The following CXXC1 variants were observed in gnomAD, a reference collection of about 807,000 sequenced individuals.
CXXC1 encodes CXXC-type zinc finger protein 1.
Under a neutral mutation model 83.6 loss-of-function variants are expected in CXXC1, and 21 were observed. That is an observed-to-expected ratio of 0.25 (90% CI 0.18 to 0.36). The LOEUF is 0.36. CXXC1 is among the 10% of genes least tolerant of loss of function. CXXC1 has a pLI of 1.00. For missense variants in CXXC1, 688 were observed against 919.5 expected (o/e 0.75, Z 3.26); for synonymous variants, 371 against 337.5 (o/e 1.10, Z -1.09).
intron 1 of CXXC1, 56 bp downstream of exon 1, chr18:50,287,531 C>G: frequency 1.0e-5 from 16 of 1,606,960 alleles, no homozygotes; most frequent in Non-Finnish European, 1.4e-5. Flanking sequence ...ACAGACCCCA[C>G]TGTTGCCAAC....
intron 1 of CXXC1, 109 bp downstream of exon 1, chr18:50,287,476 CCA>C: frequency 2.2e-6 from 3 of 1,340,688 alleles, no homozygotes; most frequent in Non-Finnish European, 3.2e-6. Context: ...GCCGTTCAGT[CCA>C]CAGACTCCGG....
rs1282223240 is a variant in CXXC1 at position 50,282,557 on chromosome 18, T to C, written c.*36A>G. 6.3e-7 allele frequency: 1 copy of C among 1,598,444 alleles called. No homozygotes were observed. The highest frequency in any genetic ancestry group is 1.7e-5 in the Admixed American group (1 of 59,934). ...ACGGGCACCGGGCGGCTCCCCCATC[T>C]GGAATGCAGGGTGTAAGGGGTCCGG... On this transcript the variant is annotated 3_prime_UTR_variant, in exon 15 of 15. Transcript: ENST00000285106. This position sits in a 1 kb window ranked among gnomAD's most constrained non-coding sequence, Gnocchi z 5.8.
At chr18:50,283,199 G>A in intron 13 of CXXC1, 66 bp downstream of exon 13, 1 of 1,380,348 alleles carries the variant, frequency 7.2e-7, no homozygotes, top group South Asian at 1.2e-5. Flanking sequence ...AGGAAGGAAG[G>A]GATGAATGTG....
chr18:50,286,145 A>T lies in CXXC1; in HGVS notation c.336T>A (p.Pro112=), dbSNP rs754834910. The change falls in exon 4 of 15, where the codon CCT becomes CCA. Residue 112 remains proline, a synonymous_variant. Transcript: ENST00000285106. ...PRDEGGGRKR[P]VPDPDLQRRA... ...GGCGCTGCAGGTCTGGATCAGGGAC[A>T]GGCCTCTTGCGCCCTCCACCCTCAT... 6.2e-7 allele frequency: 1 copy of T among 1,613,958 alleles called. No individual in the cohort carries two copies. Among genetic ancestry groups the T allele is most frequent in the Non-Finnish European group, 8.5e-7 (1 of 1,179,968 alleles).
In CXXC1 at chr18:50,285,504, C is replaced by A; in HGVS notation, c.640-153G>T. 2 of 1,081,864 alleles carry A rather than the reference C, an allele frequency of 1.8e-6. No homozygotes were observed. Among genetic ancestry groups the A allele is most frequent in the Non-Finnish European group, 1.3e-6 (1 of 761,448 alleles). The allele number at this position is 1,081,864 out of a possible 1,614,324, so 67.0% of individuals were successfully genotyped here. On this transcript the variant is annotated intron_variant, in intron 5 of 14. Transcript: ENST00000285106. This position sits in a 1 kb window ranked among gnomAD's most constrained non-coding sequence, Gnocchi z 4.4. Reference sequence around the variant, plus strand: ...ATGCTCAGCCCTGCCTGATCTGTACCAACATGCATGACCACCTGAAAACAC... The same window carrying A: ...ATGCTCAGCCCTGCCTGATCTGTACAAACATGCATGACCACCTGAAAACAC...
Position 50,282,802 on chromosome 18 carries a change from G to T in CXXC1, c.1824+52C>A, listed in dbSNP as rs1426307781. On this transcript the variant is annotated intron_variant, in intron 14 of 14. Coordinates refer to ENST00000285106, the MANE Select transcript of CXXC1 (RefSeq NM_014593.4). The surrounding 1 kb of genome is among the most constrained non-coding windows in gnomAD (Gnocchi z 5.8). The stretch of plus-strand genomic sequence containing the variant: ...CTGCAGCCCCGCCTGCCCCGGCCAC[G>T]TCCGACATGGAAACCTACCACATGC... The T allele has an allele frequency of 2.5e-6, 4 of 1,611,792 alleles. No individual in the cohort carries two copies. Among genetic ancestry groups the T allele is most frequent in the East Asian group, 2.2e-5 (1 of 44,816 alleles).
In CXXC1 at chr18:50,286,767, C is replaced by T. The variant is rs773011951; in HGVS notation, c.95G>A (p.Arg32His). The T allele has an allele frequency of 1.2e-6, 2 of 1,613,938 alleles. No homozygotes were observed. The highest frequency in any genetic ancestry group is 1.7e-6 in the Non-Finnish European group (2 of 1,179,822). The change falls in exon 2 of 15, where the codon CGC becomes CAC. Residue 32 changes from arginine to histidine, a missense_variant. Arg to His is a conservative substitution (Grantham distance 29). Transcript: ENST00000285106. ...GENAPIYCICRKPDINCFMIG... is the reference protein window; with the variant it reads ...GENAPIYCICHKPDINCFMIG... ...CATGAAGCAGTTGATGTCCGGTTTG[C>T]GGCAGATGCAGTAGATGGGCGCATT...
intron 3 of CXXC1, 65 bp downstream of exon 3, chr18:50,286,474 C>G: frequency 7.4e-7 from 1 of 1,359,010 alleles, no homozygotes; most frequent in South Asian, 1.2e-5. Context: ...CCATAACCCC[C>G]CCTTGTGGCT....
Position 50,285,187 on chromosome 18 carries a change from G to T in CXXC1, c.727C>A (p.Gln243Lys), listed in dbSNP as rs761414220. Residue 243 changes from glutamine (Q) to lysine (K), a missense_variant, in exon 7 of 15, where the codon CAG becomes AAG. By Grantham distance (53) the Gln-to-Lys change is moderately conservative. Transcript: ENST00000285106. This position sits in a 1 kb window ranked among gnomAD's most constrained non-coding sequence, Gnocchi z 4.4. ...PRPRRPLPTQ[Q>K]QPQPSQKLGR... ...AACTTCTGTGATGGCTGTGGCTGCT[G>T]TTGGGTGGGCAGTGGCCGGCGGGGC... is the stretch of plus-strand genomic sequence containing the variant. 4 of 1,614,234 alleles carry T rather than the reference G, an allele frequency of 2.5e-6. No homozygotes were observed. Among genetic ancestry groups the T allele is most frequent in the Non-Finnish European group, 3.4e-6 (4 of 1,180,038 alleles).
chr18:50,282,681 T>G lies in CXXC1; in HGVS notation c.1883A>C (p.Asn628Thr). The change falls in exon 15 of 15, where the codon AAC becomes ACC. Residue 628 changes from asparagine (N) to threonine (T), a missense_variant. Coordinates refer to ENST00000285106, the MANE Select transcript of CXXC1 (RefSeq NM_014593.4). This position sits in a 1 kb window ranked among gnomAD's most constrained non-coding sequence, Gnocchi z 5.8. ...CATCAGGGCCAGCAATCCCGCGCGG[T>G]TTGTCATGGCTGTGCGCACATTGCG... Reference protein sequence around the residue: ...QERNVRTAMTNRAGLLALMLH... With the variant: ...QERNVRTAMTTRAGLLALMLH... The G allele has an allele frequency of 6.2e-7, 1 of 1,613,500 alleles. No individual in the cohort carries two copies. The highest frequency in any genetic ancestry group is 8.5e-7 in the Non-Finnish European group (1 of 1,180,016).
chr18:50,282,587 G>T lies in CXXC1; in HGVS notation c.*6C>A. ...TGCAGGGTGTAAGGGGTCCGGGCCA[G>T]GAGGCTCAGCGGTCGGCACTGGAGC... On this transcript the variant is annotated 3_prime_UTR_variant, in exon 15 of 15. Transcript: ENST00000285106. The surrounding 1 kb of genome is among the most constrained non-coding windows in gnomAD (Gnocchi z 5.8). The T allele has an allele frequency of 6.2e-7, 1 of 1,607,236 alleles. No individual in the cohort carries two copies. The highest frequency in any genetic ancestry group is 8.5e-7 in the Non-Finnish European group (1 of 1,179,964).
chr18:50,283,272 T>A lies in CXXC1; in HGVS notation c.1664A>T (p.Asp555Val). The change falls in exon 13 of 15, where the codon GAC becomes GTC. Residue 555 changes from aspartate (D) to valine (V), a missense_variant. Coordinates refer to ENST00000285106, the MANE Select transcript of CXXC1 (RefSeq NM_014593.4). ...GCTGAGGGAAAACCTTACTTTGGGG[T>A]CCCGTGAGTGCTCGGGGCACAGCAC... ...LQVLCPEHSR[D>V]PKVPADEVCG... 1 of 1,613,600 alleles carries A rather than the reference T, an allele frequency of 6.2e-7. No individual in the cohort carries two copies. Among genetic ancestry groups the A allele is most frequent in the Non-Finnish European group, 8.5e-7 (1 of 1,179,788 alleles).
rs1447186094 is a variant in CXXC1, at chr18:50,283,714, G to A, written c.1515C>T (p.Cys505=). ...PRVALRHMER[C]YAKYESQTSF... ...AGTCTGACACCCCAACCTTGGCGTAGCAGCGCTCCATGTGGCGCAAGGCAA... is the reference window on the plus strand; with the variant it reads ...AGTCTGACACCCCAACCTTGGCGTAACAGCGCTCCATGTGGCGCAAGGCAA... The change falls in exon 11 of 15, where the codon TGC becomes TGT. Residue 505 remains cysteine, a synonymous_variant. Coordinates refer to ENST00000285106, the MANE Select transcript of CXXC1 (RefSeq NM_014593.4). The A allele has an allele frequency of 6.2e-7, 1 of 1,614,146 alleles. No individual in the cohort carries two copies. Among genetic ancestry groups the A allele is most frequent in the East Asian group, 2.2e-5 (1 of 44,890 alleles).
At chr18:50,283,471 C>T in intron 12 of CXXC1, 44 bp downstream of exon 12, 1 of 1,611,874 alleles carries the variant, frequency 6.2e-7, no homozygotes, top group Non-Finnish European at 8.5e-7. Flanking sequence ...CTTCTGACCC[C>T]CGCCTTAACC....
chr18:50,286,120 G>A lies in CXXC1; in HGVS notation c.361C>T (p.Arg121Trp), dbSNP rs542764532. 32 of 1,613,802 alleles carry A rather than the reference G, an allele frequency of 2.0e-5. No individual in the cohort carries two copies. Among genetic ancestry groups the A allele is most frequent in the African/African-American group, 6.7e-5 (5 of 74,934 alleles). The change falls in exon 4 of 15, where the codon CGG (arginine) becomes TGG (tryptophan). Residue 121 changes from arginine to tryptophan, a missense_variant. Physicochemically the swap from Arg to Trp is moderately radical, Grantham distance 101. Coordinates refer to ENST00000285106, the MANE Select transcript of CXXC1 (RefSeq NM_014593.4). ...RPVPDPDLQRRAGSGTGVGAM... is the reference protein window; with the variant it reads ...RPVPDPDLQRWAGSGTGVGAM... ...CCAACCCCTGTCCCTGACCCTGCCC[G>A]GCGCTGCAGGTCTGGATCAGGGACA...
rs780543093 is a variant in CXXC1 at position 50,286,802 on chromosome 18, C to G, written c.60G>C (p.Glu20Asp). The change falls in exon 2 of 15, where the codon GAG (glutamate) becomes GAC (aspartate). Residue 20 changes from glutamate to aspartate, a missense_variant. Glu to Asp is a conservative substitution (Grantham distance 45). Transcript: ENST00000285106. ...PPDAGEDSKSENGENAPIYCI... is the reference protein window; with the variant it reads ...PPDAGEDSKSDNGENAPIYCI... ...AGTAGATGGGCGCATTCTCCCCATT[C>G]TCGGACTTGCTGTCCTCCCCGGCAT... 8 of 1,614,044 alleles carry G rather than the reference C, an allele frequency of 5.0e-6. No individual in the cohort carries two copies. Among genetic ancestry groups the G allele is most frequent in the African/African-American group, 4.0e-5 (3 of 74,918 alleles).
At position 50,282,889 on chromosome 18, in the gene CXXC1, G is replaced by A; in HGVS notation, c.1789C>T (p.Arg597Trp). 6.2e-7 allele frequency: 1 copy of A among 1,614,176 alleles called. No individual in the cohort carries two copies. The highest frequency in any genetic ancestry group is 1.1e-5 in the South Asian group (1 of 91,080). The change falls in exon 14 of 15, where the codon CGG (arginine) becomes TGG (tryptophan). Residue 597 changes from arginine (R) to tryptophan (W), a missense_variant. Coordinates refer to ENST00000285106, the MANE Select transcript of CXXC1 (RefSeq NM_014593.4). This position sits in a 1 kb window ranked among gnomAD's most constrained non-coding sequence, Gnocchi z 5.8. ...CNRHYCWEKL[R>W]RAEVDLERVR... ...CGCTCCAAGTCCACTTCCGCACGCC[G>A]CAGCTTCTCCCAGCAGTAATGGCGA...
In CXXC1 at chr18:50,283,011, AAGG is replaced by A. The variant is rs2040582232; in HGVS notation, c.1672-8_1672-6del. The A allele has an allele frequency of 6.2e-7, 1 of 1,613,852 alleles. No individual in the cohort carries two copies. On this transcript the variant is annotated splice_polypyrimidine_tract_variant and splice_region_variant and intron_variant, in intron 13 of 14. Transcript: ENST00000285106. ...GCATACCTCGTCAGCTGGCACCTGC[AAGG>A]AGGCCAGGTTGGGGGGATGAATAGC... is the stretch of plus-strand genomic sequence containing the variant.
Position 50,285,920 on chromosome 18 carries a change from C to G in CXXC1, c.468G>C (p.Gln156His), listed in dbSNP as rs767722321. ...PLVATPSQHH[Q>H]QQQQQIKRSA... is the part of the protein sequence containing the mutation. ...ACCGTTTGATCTGCTGCTGCTGCTG[C>G]TGGTGATGCTGCAGGAGGGGGCCCA... The change falls in exon 5 of 15, where the codon CAG (glutamine) becomes CAC (histidine). Residue 156 changes from glutamine to histidine, a missense_variant. By Grantham distance (24) the Gln-to-His change is conservative. This residue lies in a region of CXXC1 where 142 missense variants were observed against 150.7 expected (regional missense o/e 0.94). Coordinates refer to ENST00000285106, the MANE Select transcript of CXXC1 (RefSeq NM_014593.4). This position sits in a 1 kb window ranked among gnomAD's most constrained non-coding sequence, Gnocchi z 4.4. The G allele has an allele frequency of 6.2e-7, 1 of 1,613,760 alleles. No homozygotes were observed. Among genetic ancestry groups the G allele is most frequent in the Non-Finnish European group, 8.5e-7 (1 of 1,179,982 alleles).
Sources: gnomAD v4.1 joint callset for allele counts on GRCh38, gnomAD v4.1.1 for gene constraint, gnomAD v4.1.1 regional missense constraint, Gnocchi (gnomAD v3.1) non-coding constraint, MANE v1.5 for transcripts, NCBI Gene and HGNC (gene_info 2026-07-23, HGNC 2026-07-21) for gene names.